GOLPH3: variants seen among roughly 807,000 people sequenced by gnomAD.
GOLPH3 encodes coat protein GPP34.
In GOLPH3, 14 loss-of-function variants were observed where a neutral mutation model predicts 28.5. The ratio of observed to expected loss-of-function variants is 0.49; its 90% CI spans 0.32 to 0.77. The LOEUF (loss-of-function observed/expected upper bound fraction) is 0.77, where lower values mean the gene tolerates loss of function less well. Among genes scored for constraint, GOLPH3 ranks in the 30% least tolerant of loss-of-function variants. The pLI is 0.03. For synonymous variants in GOLPH3, 158 were observed against 159.2 expected, an observed-to-expected ratio of 0.99 and a Z score of 0.06; for missense variants, 350 against 393.7, an observed-to-expected ratio of 0.89 and a Z score of 0.94.
intron 1 of GOLPH3, among the ~76,000 whole-genome samples, chr5:32,158,677 C>T (rs1383022040): frequency 2.0e-5 from 3 of 152,160 alleles, no homozygotes; most frequent in African/African-American, 4.8e-5. Flanking sequence ...CCTATTCCTC[C>T]AACGGAGTGC....
intron 1 of GOLPH3, among the ~76,000 whole-genome samples, chr5:32,163,164 A>G (rs1460802684): frequency 6.6e-6 from 1 of 152,208 alleles, no homozygotes; most frequent in Admixed American, 6.5e-5. Context: ...AATTCTTTCA[A>G]CTACTCAAGG....
chr5:32,158,142 C>T lies in GOLPH3; in HGVS notation c.226-14262G>A, dbSNP rs1187438722. Among the ~76,000 whole-genome samples the T allele has an allele frequency of 8.6e-4, 119 of 138,812 alleles. 6 individuals are homozygous for T. The highest frequency in any genetic ancestry group is 3.1e-3 in the African/African-American group (114 of 36,982). The allele number at this position is 138,812 out of a possible 152,430, so 91.1% of individuals were successfully genotyped here. A position where few individuals can be genotyped will look rare whatever the true frequency, so the allele number is the denominator to read the frequency against. On this transcript the variant is annotated intron_variant, in intron 1 of 3. Coordinates refer to ENST00000265070, the MANE Select transcript of GOLPH3 (RefSeq NM_022130.4). ...AATAAATAAATAAAATACACACACA[C>T]ACACACACACACACACACACACACA...
chr5:32,139,895 T>C (rs1056515856), intron 2 of GOLPH3, among the ~76,000 whole-genome samples: 2 of 152,068 alleles, frequency 1.3e-5, no homozygotes, highest in African/African-American at 4.8e-5. Flanking sequence ...AAACTACGAT[T>C]TTTAAAAAGG....
At chr5:32,165,013 C>T (rs767328713) in intron 1 of GOLPH3, among the ~76,000 whole-genome samples, 2 of 150,440 alleles carry the variant, frequency 1.3e-5, no homozygotes, top group Non-Finnish European at 2.9e-5. Flanking sequence ...GATTCTCCTG[C>T]CTCAGCCTCC....
At chr5:32,135,476 G>C (rs1745912629) in intron 3 of GOLPH3, 96 bp downstream of exon 3, 2 of 729,750 alleles carry the variant, frequency 2.7e-6, no homozygotes, top group Admixed American at 5.1e-5. Context: ...AACTAAACAA[G>C]CTTCTGGCTA....
At chr5:32,130,964 T>C (rs1228766925) in intron 3 of GOLPH3, among the ~76,000 whole-genome samples, 1 of 152,226 alleles carries the variant, frequency 6.6e-6, no homozygotes, top group African/African-American at 2.4e-5. Context: ...ATGTTTCTAC[T>C]AAAAATTAGA....
intron 1 of GOLPH3, among the ~76,000 whole-genome samples, chr5:32,145,315 G>A (rs1746163109): frequency 6.6e-6 from 1 of 152,210 alleles, no homozygotes; most frequent in African/African-American, 2.4e-5. Context: ...ACACTGACTG[G>A]ATTTTAGGGA....
At chr5:32,143,950 A>G in intron 1 of GOLPH3, 70 bp from the exon 2 acceptor site, 2 of 1,074,710 alleles carry the variant, frequency 1.9e-6, no homozygotes, top group South Asian at 3.7e-5. Flanking sequence ...AAAAACAGAA[A>G]TATTATCAGC....
At chr5:32,139,915 G>GA (rs1746019051) in intron 2 of GOLPH3, among the ~76,000 whole-genome samples, 1 of 152,088 alleles carries the variant, frequency 6.6e-6, no homozygotes, top group African/African-American at 2.4e-5. Flanking sequence ...GAAGCTCATG[G>GA]AAATCAAAAA....
At chr5:32,160,008 T>C (rs1370988016) in intron 1 of GOLPH3, among the ~76,000 whole-genome samples, 1 of 152,218 alleles carries the variant, frequency 6.6e-6, no homozygotes, top group Non-Finnish European at 1.5e-5. Context: ...TGCATTATTT[T>C]CTAAAAGCAG....
chr5:32,163,375 G>A (rs1746635388), intron 1 of GOLPH3, among the ~76,000 whole-genome samples: 1 of 152,104 alleles, frequency 6.6e-6, no homozygotes, highest in Admixed American at 6.5e-5. Flanking sequence ...CTCCTTAAAA[G>A]CAAAAAATTT....
intron 2 of GOLPH3, among the ~76,000 whole-genome samples, chr5:32,137,674 C>T (rs192256947): frequency 1.3e-5 from 2 of 152,104 alleles, no homozygotes; most frequent in Admixed American, 1.3e-4. Flanking sequence ...CAGAAAGCTA[C>T]ATTGAGATAT....
chr5:32,128,741 C>T (rs1340565946), intron 3 of GOLPH3, among the ~76,000 whole-genome samples: 1 of 151,778 alleles, frequency 6.6e-6, no homozygotes, highest in African/African-American at 2.4e-5. Flanking sequence ...CAAAATTCAA[C>T]ACTCTTTAAA....
In GOLPH3 at chr5:32,139,697, G is replaced by T. The variant is rs1581541388; in HGVS notation, c.358-4011C>A. ...TTTTTATTTAGCTTCTTTTTTTGGG[G>T]GGACGGGAACCATTCCTAAATATAA... On this transcript the variant is annotated intron_variant, in intron 2 of 3. Transcript: ENST00000265070. Among the ~76,000 whole-genome samples the T allele has an allele frequency of 2.6e-5, 4 of 152,106 alleles. 1 individual carries two copies. Among genetic ancestry groups the T allele is most frequent in the Admixed American group, 2.6e-4 (4 of 15,270 alleles).
chr5:32,170,953 C>T (rs1746820344), intron 1 of GOLPH3, among the ~76,000 whole-genome samples: 1 of 151,864 alleles, frequency 6.6e-6, no homozygotes, highest in South Asian at 2.1e-4. Flanking sequence ...AAGAAATGCT[C>T]ACAATAAGCT....
chr5:32,151,117 A>G (rs1581548605), intron 1 of GOLPH3, among the ~76,000 whole-genome samples: 1 of 152,156 alleles, frequency 6.6e-6, no homozygotes, highest in East Asian at 1.9e-4. Context: ...AAAAGAGACT[A>G]CCCATTTTTT....
At chr5:32,141,553 A>G (rs1746059315) in intron 2 of GOLPH3, among the ~76,000 whole-genome samples, 1 of 151,090 alleles carries the variant, frequency 6.6e-6, no homozygotes, top group Non-Finnish European at 1.5e-5. Context: ...TTTCAAAATT[A>G]TGGCTTTTAA....
intron 1 of GOLPH3, among the ~76,000 whole-genome samples, chr5:32,168,520 C>CT: frequency 6.6e-6 from 1 of 152,306 alleles, no homozygotes; most frequent in Middle Eastern, 3.4e-3. Flanking sequence ...ACATTAGTAA[C>CT]TGACTCTGGC....
At chr5:32,126,779 C>G (rs2111831002) in intron 3 of GOLPH3, 143 bp from the exon 4 acceptor site, 1 of 667,230 alleles carries the variant, frequency 1.5e-6, no homozygotes, top group East Asian at 2.7e-5. Flanking sequence ...CTAACTAGAC[C>G]ATGAACCCCT....
Sources: gnomAD v4.1 joint callset for allele counts (sites outside exome capture counted in the v4.1 genomes callset) on GRCh38, gnomAD v4.1.1 for gene constraint, MANE v1.5 for transcripts, NCBI Gene and HGNC (gene_info 2026-07-23, HGNC 2026-07-21) for gene names.